Variants in RFX7 observed in about 807,000 individuals in gnomAD.
RFX7 encodes DNA-binding protein RFX7.
In RFX7, 26 loss-of-function variants were observed where a neutral mutation model predicts 111.8. The ratio of observed to expected loss-of-function variants is 0.23; its 90% CI spans 0.17 to 0.32. The LOEUF (loss-of-function observed/expected upper bound fraction) is 0.32. RFX7 is among the 10% of genes least tolerant of loss of function. The pLI, the probability that RFX7 is intolerant of heterozygous loss-of-function variation, is 1.00. For missense variants in RFX7, 1,573 were observed against 1,772.9 expected (o/e 0.89, Z 2.02); for synonymous variants, 624 against 624.4 (o/e 1.00, Z 0.01).
In RFX7 at chr15:56,091,082, G is replaced by C. The variant is rs1486221752; in HGVS notation, c.*2263C>G. On this transcript the variant is annotated 3_prime_UTR_variant, in exon 10 of 10. Coordinates refer to ENST00000559447, the MANE Select transcript of RFX7 (RefSeq NM_022841.7). ...TTACAGGAATCCTAGTACTGTACAA[G>C]ATAAGTCAATAACACTCATGCACAT... The C allele has an allele frequency of 1.3e-5, 2 of 152,466 alleles. No individual in the cohort carries two copies. The highest frequency in any genetic ancestry group is 4.8e-5 in the African/African-American group (2 of 41,434). 9.4% of individuals were successfully genotyped at this position (152,466 alleles called of 1,614,324 possible).
At chr15:56,174,107 G>GT in intron 3 of RFX7, among the ~76,000 whole-genome samples, 1 of 152,034 alleles carries the variant, frequency 6.6e-6, no homozygotes, top group East Asian at 1.9e-4. Context: ...GTGAAACCCC[G>GT]TCTCTACTAA....
intron 5 of RFX7, among the ~76,000 whole-genome samples, chr15:56,129,375 C>CAAAA (rs144104993): frequency 1.1e-5 from 1 of 92,952 alleles, no homozygotes; most frequent in Non-Finnish European, 2.3e-5. Context: ...GACTCCCCCT[C>CAAAA]AAAAAAAAAA....
intron 3 of RFX7, among the ~76,000 whole-genome samples, chr15:56,163,902 T>C (rs1354719103): frequency 6.6e-6 from 1 of 152,122 alleles, no homozygotes; most frequent in Non-Finnish European, 1.5e-5. Flanking sequence ...CTGTAAAGAA[T>C]AGCTCTTATA....
chr15:56,188,184 C>A (rs1000668878), intron 2 of RFX7, among the ~76,000 whole-genome samples: 8 of 152,036 alleles, frequency 5.3e-5, no homozygotes, highest in Admixed American at 5.2e-4. Flanking sequence ...ATGAAAAATT[C>A]ATTGGATGAC....
Position 56,243,516 on chromosome 15 carries a change from G to C in RFX7, c.-74C>G, listed in dbSNP as rs1449603181. On this transcript the variant is annotated 5_prime_UTR_variant, in exon 1 of 10. Coordinates refer to ENST00000559447, the MANE Select transcript of RFX7 (RefSeq NM_022841.7). Reference sequence around the variant, plus strand: ...ACCGGGGAGACCAGCGGCTCCTCACGGCCGGGGCGCTTCACCGCGGGAGAG... The same window carrying C: ...ACCGGGGAGACCAGCGGCTCCTCACCGCCGGGGCGCTTCACCGCGGGAGAG... 4.0e-5 allele frequency: 39 copies of C among 984,590 alleles called. No homozygotes were observed. Among genetic ancestry groups the C allele is most frequent in the East Asian group, 1.2e-4 (1 of 8,692 alleles). The allele number at this position is 984,590 out of a possible 1,614,324, so 61.0% of individuals were successfully genotyped here.
At chr15:56,210,385 T>G (rs1170996970) in intron 2 of RFX7, among the ~76,000 whole-genome samples, 1 of 152,040 alleles carries the variant, frequency 6.6e-6, no homozygotes, top group East Asian at 1.9e-4. Flanking sequence ...GAGTTCAATA[T>G]CCCTCTATCT....
chr15:56,153,006 C>G (rs1402344826), intron 3 of RFX7, among the ~76,000 whole-genome samples: 2 of 152,088 alleles, frequency 1.3e-5, no homozygotes, highest in Non-Finnish European at 2.9e-5. Context: ...CAAGTCTAAG[C>G]CACAAAGAAG....
In RFX7 at chr15:56,214,669, C is replaced by A. The variant is rs79679041; in HGVS notation, c.161+28456G>T. On this transcript the variant is annotated intron_variant, in intron 2 of 9. Coordinates refer to ENST00000559447, the MANE Select transcript of RFX7 (RefSeq NM_022841.7). The stretch of plus-strand genomic sequence containing the variant: ...GGAGGAGCTTGCAGTGAGCTGAGAT[C>A]GCACCACTGCACTCCGGCCTGGGCA... Among the ~76,000 whole-genome samples, 501 of 149,616 alleles carry A rather than the reference C, an allele frequency of 3.3e-3. 3 individuals carry two copies. The highest frequency in any genetic ancestry group is 0.011 in the African/African-American group (457 of 40,638).
chr15:56,218,248 G>A (rs533251488), intron 2 of RFX7, among the ~76,000 whole-genome samples: 9 of 128,616 alleles, frequency 7.0e-5, no homozygotes, highest in African/African-American at 2.1e-4. Context: ...TCTGCCTCCC[G>A]GGTTCAAGCA....
intron 2 of RFX7, among the ~76,000 whole-genome samples, chr15:56,222,130 GTTTGA>G (rs1201312980): frequency 6.6e-6 from 1 of 152,042 alleles, no homozygotes; most frequent in Non-Finnish European, 1.5e-5. Context: ...ATATATTTTT[GTTTGA>G]TTTAAATTTC....
At chr15:56,238,440 G>A (rs2043648731) in intron 2 of RFX7, among the ~76,000 whole-genome samples, 2 of 152,152 alleles carry the variant, frequency 1.3e-5, no homozygotes, top group African/African-American at 4.8e-5. Context: ...AGATACAGAA[G>A]TATGTATGCC....
Position 56,218,144 on chromosome 15 carries a change from CTTTTTTT to C in RFX7, c.161+24974_161+24980del, listed in dbSNP as rs869249448. Among the ~76,000 whole-genome samples the C allele has an allele frequency of 4.5e-4, 26 of 57,960 alleles. 1 individual carries two copies. Among genetic ancestry groups the C allele is most frequent in the South Asian group, 7.8e-4 (1 of 1,280 alleles). The allele number at this position is 57,960 out of a possible 152,430, so 38.0% of individuals were successfully genotyped here. ...TTACAAGTAATTTAGAAATGATTTT[CTTTTTTT>C]TTTTTTTTTTTTTTTTTTTTGAGAC... On this transcript the variant is annotated intron_variant, in intron 2 of 9. Transcript: ENST00000559447.
chr15:56,154,105 C>A (rs1416857653), intron 3 of RFX7, among the ~76,000 whole-genome samples: 5 of 151,486 alleles, frequency 3.3e-5, no homozygotes, highest in African/African-American at 1.2e-4. Context: ...AGGAGAACTA[C>A]AAACTACTGC....
chr15:56,104,199 A>AG (rs1242447011), intron 5 of RFX7, among the ~76,000 whole-genome samples: 2 of 152,202 alleles, frequency 1.3e-5, no homozygotes, highest in African/African-American at 4.8e-5. Context: ...CAAAGGTCCT[A>AG]GTGTTATCCT....
chr15:56,140,638 CTTTCT>C, intron 5 of RFX7, among the ~76,000 whole-genome samples: 1 of 152,304 alleles, frequency 6.6e-6, no homozygotes, highest in Middle Eastern at 3.4e-3. Context: ...CGCTAAATCA[CTTTCT>C]TTTATCTCTG....
Position 56,092,678 on chromosome 15 carries a change from A to G in RFX7, c.*667T>C, listed in dbSNP as rs1365310852. On this transcript the variant is annotated 3_prime_UTR_variant, in exon 10 of 10. Coordinates refer to ENST00000559447, the MANE Select transcript of RFX7 (RefSeq NM_022841.7). ...AAAATCAACATTTAAATATTAATGC[A>G]AGGTCACAAATATAAATGGCTACTT... 1 of 152,624 alleles carries G rather than the reference A, an allele frequency of 6.6e-6. No individual in the cohort carries two copies. Among genetic ancestry groups the G allele is most frequent in the Admixed American group, 6.5e-5 (1 of 15,272 alleles). 9.5% of individuals were successfully genotyped at this position (152,624 alleles called of 1,614,324 possible). A position where few individuals can be genotyped will look rare whatever the true frequency, so the allele number is the denominator to read the frequency against.
chr15:56,172,295 A>G (rs750872808), intron 3 of RFX7, among the ~76,000 whole-genome samples: 1 of 152,184 alleles, frequency 6.6e-6, no homozygotes, highest in African/African-American at 2.4e-5. Context: ...CACTTTGACT[A>G]AACTTTGACT....
chr15:56,220,456 T>A (rs2043413424), intron 2 of RFX7, among the ~76,000 whole-genome samples: 1 of 152,148 alleles, frequency 6.6e-6, no homozygotes, highest in African/African-American at 2.4e-5. Context: ...GGTCTCGAAC[T>A]CCTGACGTCA....
At chr15:56,172,794 T>C (rs2042859672) in intron 3 of RFX7, among the ~76,000 whole-genome samples, 1 of 152,048 alleles carries the variant, frequency 6.6e-6, no homozygotes, top group Non-Finnish European at 1.5e-5. Context: ...AATAAATCAC[T>C]AAAGAAAAAG....
Sources: allele counts gnomAD v4.1 joint callset (sites outside exome capture counted in the v4.1 genomes callset), GRCh38; gene constraint gnomAD v4.1.1; transcripts MANE v1.5; gene names NCBI Gene and HGNC (gene_info 2026-07-23, HGNC 2026-07-21).